Variants in MCTP2 observed in about 807,000 individuals in gnomAD.
The protein encoded by MCTP2 is multiple C2 and transmembrane domain-containing protein 2.
Under a neutral mutation model 111.6 loss-of-function variants are expected in MCTP2, and 132 were observed. The observed-to-expected ratio is 1.18, with a 90% confidence interval of 1.03 to 1.37. MCTP2 has a LOEUF of 1.37. Ranked by LOEUF, MCTP2 falls within the 40% of genes most tolerant of loss-of-function variation. The probability of loss-of-function intolerance (pLI) is 0.00; values close to 1 mark genes in which losing one functional copy is unlikely to be tolerated. For synonymous variants in MCTP2, 395 were observed against 387.7 expected, an observed-to-expected ratio of 1.02 and a Z score of -0.22; for missense variants, 1,183 against 1,067.9, an observed-to-expected ratio of 1.11 and a Z score of -1.50.
chr15:94,413,644 G>A (rs759380235), intron 17 of MCTP2, among the ~76,000 whole-genome samples: 1 of 151,678 alleles, frequency 6.6e-6, no homozygotes, highest in Non-Finnish European at 1.5e-5. Context: ...TGCTTCCAGA[G>A]GCCATTTCCT....
chr15:94,471,362 A>G (rs971543945), intron 21 of MCTP2, among the ~76,000 whole-genome samples: 2 of 152,222 alleles, frequency 1.3e-5, no homozygotes, highest in Admixed American at 1.3e-4. Flanking sequence ...TTCATCCTTA[A>G]GCAAAAGCTG....
At chr15:94,347,901 TACACAC>T (rs57419585) in intron 8 of MCTP2, among the ~76,000 whole-genome samples, 161 of 149,574 alleles carry the variant, frequency 1.1e-3, no homozygotes, top group Non-Finnish European at 1.9e-3. Context: ...CACACAGACA[TACACAC>T]ACACACACAC....
intron 1 of MCTP2, among the ~76,000 whole-genome samples, chr15:94,288,057 C>T (rs2074846438): frequency 6.6e-6 from 1 of 152,104 alleles, no homozygotes; most frequent in South Asian, 2.1e-4. Flanking sequence ...ACTGCAGAAG[C>T]AAAAATAATG....
At chr15:94,246,062 G>A (rs1229765847) in intron 1 of MCTP2, among the ~76,000 whole-genome samples, 1 of 152,090 alleles carries the variant, frequency 6.6e-6, no homozygotes, top group African/African-American at 2.4e-5. Flanking sequence ...GGAAGAATGG[G>A]AGGGACTGGC....
chr15:94,338,515 A>G (rs1444867312), intron 4 of MCTP2, among the ~76,000 whole-genome samples: 1 of 113,730 alleles, frequency 8.8e-6, no homozygotes, highest in African/African-American at 3.6e-5. Flanking sequence ...TTTTACTTCC[A>G]TTGATCTGAA....
chr15:94,272,509 T>C (rs1408750517), intron 1 of MCTP2, among the ~76,000 whole-genome samples: 1 of 152,076 alleles, frequency 6.6e-6, no homozygotes, highest in Non-Finnish European at 1.5e-5. Context: ...TCTTTCCCAC[T>C]CTCTTCTGAA....
At chr15:94,268,392 C>T (rs1157386759) in intron 1 of MCTP2, among the ~76,000 whole-genome samples, 11 of 150,078 alleles carry the variant, frequency 7.3e-5, no homozygotes, top group Admixed American at 3.3e-4. Flanking sequence ...GGTTTCACCA[C>T]GTTGGCCAGG....
At chr15:94,380,620 T>C (rs1007297465) in intron 12 of MCTP2, among the ~76,000 whole-genome samples, 12 of 151,896 alleles carry the variant, frequency 7.9e-5, no homozygotes, top group African/African-American at 2.9e-4. Context: ...ATACAAAAAT[T>C]AGCTGGGCGT....
chr15:94,325,598 G>A (rs1260577401), intron 4 of MCTP2, among the ~76,000 whole-genome samples: 1 of 152,090 alleles, frequency 6.6e-6, no homozygotes, highest in East Asian at 1.9e-4. Context: ...GTGTTTTCTT[G>A]AGGTCAGGTC....
chr15:94,339,382 G>T lies in MCTP2; in HGVS notation c.730G>T (p.Glu244Ter). 6.2e-7 allele frequency: 1 copy of T among 1,611,904 alleles called. No homozygotes were observed. Among genetic ancestry groups the T allele is most frequent in the Middle Eastern group, 1.7e-4 (1 of 6,034 alleles). Residue 244 changes from glutamate (E) to a stop codon, truncating the protein, a stop_gained, in exon 5 of 23, where the codon GAG becomes TAG. Transcript: ENST00000357742. LOFTEE classifies it high-confidence loss of function. ...TAAGAACTTGAACCCAGTATGGGAT[G>T]AGATAGTTGTATTGCCAATCCAAAG... ...IYKNLNPVWD[E>*]IVVLPIQSLD...
intron 1 of MCTP2, among the ~76,000 whole-genome samples, chr15:94,288,865 A>T (rs763115080): frequency 1.3e-5 from 2 of 152,190 alleles, no homozygotes; most frequent in Non-Finnish European, 2.9e-5. Flanking sequence ...TGCCCCACCC[A>T]TTCTCCACCC....
intron 1 of MCTP2, 38 bp from the exon 2 acceptor site, chr15:94,298,163 T>G (rs992176213): frequency 1.3e-5 from 11 of 861,214 alleles, no homozygotes; most frequent in Non-Finnish European, 1.7e-5. Flanking sequence ...TTTTTTTTTT[T>G]GTTTGTTTGT....
At chr15:94,244,861 C>A (rs1022625570) in intron 1 of MCTP2, among the ~76,000 whole-genome samples, 1 of 139,298 alleles carries the variant, frequency 7.2e-6, no homozygotes, top group African/African-American at 2.6e-5. Context: ...TATACACATA[C>A]ATATGCACCT....
At chr15:94,322,613 G>A (rs1445742604) in intron 4 of MCTP2, among the ~76,000 whole-genome samples, 1 of 152,092 alleles carries the variant, frequency 6.6e-6, no homozygotes, top group Non-Finnish European at 1.5e-5. Context: ...AGAATATCAT[G>A]GTCTGATTTT....
intron 1 of MCTP2, among the ~76,000 whole-genome samples, chr15:94,260,150 A>C (rs1024825534): frequency 1.3e-5 from 2 of 152,160 alleles, no homozygotes; most frequent in African/African-American, 4.8e-5. Flanking sequence ...AGGAACCTTG[A>C]GTGCCTTTCC....
intron 4 of MCTP2, among the ~76,000 whole-genome samples, chr15:94,334,735 G>T (rs76010681): frequency 6.6e-6 from 1 of 151,564 alleles, no homozygotes; most frequent in Non-Finnish European, 1.5e-5. Flanking sequence ...CGGTGGAGAT[G>T]GGGGGTCTCA....
intron 1 of MCTP2, among the ~76,000 whole-genome samples, chr15:94,237,349 C>T (rs2070640610): frequency 6.6e-6 from 1 of 151,780 alleles, no homozygotes; most frequent in South Asian, 2.1e-4. Flanking sequence ...ATTTGAGAGC[C>T]ATATTTGAGA....
At chr15:94,239,252 A>G (rs73460083) in intron 1 of MCTP2, among the ~76,000 whole-genome samples, 43 of 152,316 alleles carry the variant, frequency 2.8e-4, no homozygotes, top group African/African-American at 1.0e-3. Context: ...ATCTTGCTTA[A>G]CGTAAAAGAT....
chr15:94,243,465 G>A (rs1384635752), intron 1 of MCTP2, among the ~76,000 whole-genome samples: 17 of 97,580 alleles, frequency 1.7e-4, no homozygotes, highest in South Asian at 3.2e-4. Context: ...ATGCGTATGC[G>A]TATATGCGTA....
Sources: allele counts gnomAD v4.1 joint callset (sites outside exome capture counted in the v4.1 genomes callset), GRCh38; gene constraint gnomAD v4.1.1; transcripts MANE v1.5; gene names NCBI Gene and HGNC (gene_info 2026-07-23, HGNC 2026-07-21).